Variants in SFPQ observed in about 807,000 individuals in gnomAD.
SFPQ encodes splicing factor, proline- and glutamine-rich.
A neutral mutation model predicts 72.9 loss-of-function variants in SFPQ; 11 were observed. The observed-to-expected ratio is 0.15, with a 90% confidence interval of 0.09 to 0.25. The LOEUF is 0.25. Ranked by LOEUF, SFPQ falls within the 10% of genes least tolerant of loss-of-function variation. SFPQ has a pLI of 1.00. For missense variants in SFPQ, 847 were observed against 993.3 expected (o/e 0.85, Z 1.98); for synonymous variants, 506 against 367.3 (o/e 1.38, Z -4.32).
At chr1:35,188,981 T>A in intron 6 of SFPQ, 22 bp downstream of exon 6, 1 of 1,589,620 alleles carries the variant, frequency 6.3e-7, no homozygotes, top group Non-Finnish European at 8.6e-7. Flanking sequence ...AATGAAGGCT[T>A]AAACCTTAAA....
At chr1:35,177,246 A>AGTATTGTTATTTTTGTACC (rs1246284016) in intron 5 of SFPQ, 3 of 152,214 alleles carry the variant, frequency 2.0e-5, no homozygotes, top group African/African-American at 7.2e-5. Flanking sequence ...TTCCCACATT[A>AGTATTGTTATTTTTGTACC]GTATTGTTAT....
downstream of SFPQ, chr1:35,181,631 AAAAC>A: frequency 9.4e-7 from 1 of 1,060,798 alleles, no homozygotes; most frequent in Non-Finnish European, 1.1e-6. Context: ...AGAAGTATAA[AAAAC>A]AACCAGTGTT....
intron 1 of SFPQ, among the ~76,000 whole-genome samples, chr1:35,191,817 A>G (rs1640014019): frequency 6.6e-6 from 1 of 152,258 alleles, no homozygotes; most frequent in Admixed American, 6.5e-5. Context: ...AAATAGTATG[A>G]AAATTAAAAT....
At chr1:35,176,754 G>T (rs1011455411) in intron 5 of SFPQ, among the ~76,000 whole-genome samples, 4 of 151,704 alleles carry the variant, frequency 2.6e-5, no homozygotes, top group Non-Finnish European at 5.9e-5. Flanking sequence ...GGCGCCTGCA[G>T]TCCCAGCTAC....
intron 1 of SFPQ, 101 bp downstream of exon 1, chr1:35,192,121 T>C: frequency 3.8e-6 from 4 of 1,040,068 alleles, no homozygotes; most frequent in Non-Finnish European, 4.9e-6. Context: ...AAGCGCCCCT[T>C]CCGGCAGCCG....
intron 6 of SFPQ, among the ~76,000 whole-genome samples, chr1:35,188,537 C>T (rs1369826216): frequency 6.6e-6 from 1 of 152,146 alleles, no homozygotes; most frequent in East Asian, 1.9e-4. Flanking sequence ...AAAAAATTAG[C>T]TGGGGGTGGT....
downstream of SFPQ, chr1:35,179,207 T>C: frequency 9.4e-7 from 1 of 1,061,410 alleles, no homozygotes; most frequent in Non-Finnish European, 1.1e-6. Flanking sequence ...TGCAGGACTG[T>C]GGATCATGTC....
chr1:35,181,586 G>T, downstream of SFPQ: 1 of 1,061,192 alleles, frequency 9.4e-7, no homozygotes, highest in South Asian at 4.6e-5. Context: ...TAAATACACT[G>T]GGGTCTTAAC....
chr1:35,187,853 T>G, intron 7 of SFPQ, 120 bp downstream of exon 7: 1 of 697,342 alleles, frequency 1.4e-6, no homozygotes, highest in Non-Finnish European at 2.6e-6. Context: ...CATAATATAC[T>G]TTGTTAGAAA....
chr1:35,178,475 G>A, downstream of SFPQ: 4 of 1,064,438 alleles, frequency 3.8e-6, no homozygotes, highest in Non-Finnish European at 4.5e-6. Flanking sequence ...CCTTCAGCAG[G>A]AGTCCTCCAA....
chr1:35,178,569 C>G, downstream of SFPQ: 2 of 1,059,206 alleles, frequency 1.9e-6, no homozygotes, highest in Non-Finnish European at 2.3e-6. Context: ...TCTTTCCCAT[C>G]TAAGTCCTCA....
At position 35,187,198 on chromosome 1, in the gene SFPQ, C is replaced by T. The variant is rs764864655; in HGVS notation, c.1864+5G>A. On this transcript the variant is annotated splice_donor_5th_base_variant and intron_variant, in intron 8 of 9. Transcript: ENST00000357214. Reference sequence around the variant, plus strand: ...TTATATCATTAATTTAAATTTCACACTTACCTCCCATGTTCATTGCTCCTC... The same window carrying T: ...TTATATCATTAATTTAAATTTCACATTTACCTCCCATGTTCATTGCTCCTC... 3 of 1,614,120 alleles carry T rather than the reference C, an allele frequency of 1.9e-6. No homozygotes were observed. Among genetic ancestry groups the T allele is most frequent in the Non-Finnish European group, 2.5e-6 (3 of 1,179,990 alleles).
In SFPQ at chr1:35,184,365, G is replaced by A; in HGVS notation, c.*91C>T. 6.4e-7 allele frequency: 1 copy of A among 1,564,230 alleles called. No homozygotes were observed. The highest frequency in any genetic ancestry group is 2.3e-5 in the East Asian group (1 of 42,858). ...AATAAACTGCTAACATCCATAAAAAGATAGCTTTCTTACTAAAATGCAAGA... is the reference window on the plus strand; with the variant it reads ...AATAAACTGCTAACATCCATAAAAAAATAGCTTTCTTACTAAAATGCAAGA... On this transcript the variant is annotated 3_prime_UTR_variant, in exon 10 of 10. Coordinates refer to ENST00000357214, the MANE Select transcript of SFPQ (RefSeq NM_005066.3).
Position 35,192,231 on chromosome 1 carries a change from C to A in SFPQ, c.819G>T (p.Ser273=). The A allele has an allele frequency of 1.4e-6, 2 of 1,459,894 alleles. No homozygotes were observed. The highest frequency in any genetic ancestry group is 1.8e-6 in the Non-Finnish European group (2 of 1,113,540). The allele number at this position is 1,459,894 out of a possible 1,614,324, so 90.4% of individuals were successfully genotyped here. A position where few individuals can be genotyped will look rare whatever the true frequency, so the allele number is the denominator to read the frequency against. Residue 273 remains serine (S), a synonymous_variant, in exon 1 of 10, where the codon TCG becomes TCT. Transcript: ENST00000357214. The part of the protein sequence containing the change: ...GPGGRSEEKI[S]DSEGFKANLS... The stretch of plus-strand genomic sequence containing the variant: ...TCCCATAGACACTCACCTCCGAGTC[C>A]GAGATCTTCTCCTCGCTGCGGCCGC...
intron 7 of SFPQ, 63 bp from the exon 8 acceptor site, chr1:35,187,314 C>G (rs749833241): frequency 6.3e-5 from 91 of 1,433,130 alleles, no homozygotes; most frequent in Non-Finnish European, 8.8e-5. Context: ...TTCTTAAGAA[C>G]TGAGAAATTT....
chr1:35,178,901 ATAT>A (rs1208045584), downstream of SFPQ: 1 of 1,040,126 alleles, frequency 9.6e-7, no homozygotes, highest in Non-Finnish European at 1.2e-6. Context: ...AAAAAAAAAA[ATAT>A]TTTTTTCAGC....
intron 5 of SFPQ, among the ~76,000 whole-genome samples, chr1:35,176,930 A>C (rs1478785436): frequency 6.6e-6 from 1 of 151,968 alleles, no homozygotes; most frequent in African/African-American, 2.4e-5. Flanking sequence ...AATTGTAATT[A>C]ACAGGCAGGG....
At position 35,188,223 on chromosome 1, in the gene SFPQ, G is replaced by A. The variant is rs565183655; in HGVS notation, c.1698-133C>T. The A allele has an allele frequency of 1.6e-5, 11 of 691,170 alleles. No homozygotes were observed. The South Asian group carries it at 1.7e-4, about 11-fold the overall frequency. The allele number at this position is 691,170 out of a possible 1,614,324, so 42.8% of individuals were successfully genotyped here. A position where few individuals can be genotyped will look rare whatever the true frequency, so the allele number is the denominator to read the frequency against. On this transcript the variant is annotated intron_variant, in intron 6 of 9. Coordinates refer to ENST00000357214, the MANE Select transcript of SFPQ (RefSeq NM_005066.3). ...ACAAAGGCTTAGAGTGAGCCTAGGG[G>A]CATAGTACTAAAGACATTCTGGCAA...
chr1:35,189,616 G>T (rs1639896643), intron 4 of SFPQ, among the ~76,000 whole-genome samples: 1 of 152,060 alleles, frequency 6.6e-6, no homozygotes, highest in Non-Finnish European at 1.5e-5. Flanking sequence ...TTTTCCTCTA[G>T]CCAAATTCCT....
Sources: gnomAD v4.1 joint callset for allele counts (sites outside exome capture counted in the v4.1 genomes callset) on GRCh38, gnomAD v4.1.1 for gene constraint, MANE v1.5 for transcripts, NCBI Gene and HGNC (gene_info 2026-07-23, HGNC 2026-07-21) for gene names.